CADM2: variants seen among roughly 807,000 people sequenced by gnomAD.
CADM2 encodes the protein cell adhesion molecule 2, also known as immunoglobulin superfamily member 4D.
A neutral mutation model predicts 49.8 loss-of-function variants in CADM2; 12 were observed. The ratio of observed to expected loss-of-function variants is 0.24; its 90% CI spans 0.15 to 0.39. The LOEUF (loss-of-function observed/expected upper bound fraction) is 0.39, where lower values mean the gene tolerates loss of function less well. Ranked by LOEUF, CADM2 falls within the 10% of genes least tolerant of loss-of-function variation. The pLI, the probability that CADM2 is intolerant of heterozygous loss-of-function variation, is 1.00. For synonymous variants in CADM2, 214 were observed against 175.4 expected, an observed-to-expected ratio of 1.22 and a Z score of -1.74; for missense variants, 378 against 492.3, an observed-to-expected ratio of 0.77 and a Z score of 2.20.
chr3:86,053,793 AT>A (rs1242319152), intron 8 of CADM2, among the ~76,000 whole-genome samples: 1 of 152,086 alleles, frequency 6.6e-6, no homozygotes, highest in Non-Finnish European at 1.5e-5. Context: ...TGCAAGACTG[AT>A]TTGTGGTTCA....
intron 1 of CADM2, among the ~76,000 whole-genome samples, chr3:85,504,527 G>A (rs1313830110): frequency 1.3e-5 from 2 of 152,188 alleles, no homozygotes; most frequent in African/African-American, 4.8e-5. Context: ...GTTTTGACAG[G>A]GCGCTGATTG....
intron 1 of CADM2, among the ~76,000 whole-genome samples, chr3:85,560,314 A>T (rs1253595972): frequency 6.6e-6 from 1 of 152,250 alleles, no homozygotes; most frequent in East Asian, 1.9e-4. Flanking sequence ...AGTTTCTGGC[A>T]GTAGTCACTT....
intron 7 of CADM2, among the ~76,000 whole-genome samples, chr3:85,948,578 CA>C (rs1227272376): frequency 6.6e-6 from 1 of 151,090 alleles, no homozygotes; most frequent in Non-Finnish European, 1.5e-5. Flanking sequence ...GCCACTTACT[CA>C]AAAAAATACA....
intron 1 of CADM2, among the ~76,000 whole-genome samples, chr3:85,639,773 C>A (rs530031447): frequency 1.3e-5 from 2 of 152,024 alleles, no homozygotes; most frequent in African/African-American, 2.4e-5. Context: ...GAGACAGAGA[C>A]TATCAGAGCC....
chr3:85,809,704 CTTCCTTCCTTCCTTCGTTCCTT>C (rs2072700469), intron 3 of CADM2, among the ~76,000 whole-genome samples: 1 of 126,206 alleles, frequency 7.9e-6, no homozygotes. Flanking sequence ...TCCTTCCTTC[CTTCCTTCCTTCCTTCGTTCCTT>C]CCCTCCCTCC....
In CADM2 at chr3:85,093,675, A is replaced by G. The variant is rs771282540; in HGVS notation, c.61+134007A>G. 6.5e-4 allele frequency among the ~76,000 whole-genome samples: 99 copies of G among 152,238 alleles called. 1 individual carries two copies. The highest frequency in any genetic ancestry group is 8.7e-4 in the Non-Finnish European group (59 of 68,010). ...ATATTTCCGAGCACTAGCCCAAAGTATTGCTCTTATGGCTATTACAAACTC... is the reference window on the plus strand; with the variant it reads ...ATATTTCCGAGCACTAGCCCAAAGTGTTGCTCTTATGGCTATTACAAACTC... On this transcript the variant is annotated intron_variant, in intron 1 of 9. Coordinates refer to ENST00000383699, the MANE Select transcript of CADM2 (RefSeq NM_001167675.2).
intron 1 of CADM2, among the ~76,000 whole-genome samples, chr3:85,045,524 A>G (rs1340733850): frequency 6.6e-6 from 1 of 152,138 alleles, no homozygotes; most frequent in Non-Finnish European, 1.5e-5. Context: ...TATTTATTTT[A>G]ATACTACTAT....
chr3:85,880,364 G>T (rs1247012400), intron 3 of CADM2, among the ~76,000 whole-genome samples: 10 of 151,726 alleles, frequency 6.6e-5, no homozygotes, highest in African/African-American at 1.9e-4. Context: ...TCAGGAGAAG[G>T]GTAGTCCATT....
chr3:85,642,582 A>C lies in CADM2; in HGVS notation c.62-83940A>C, dbSNP rs555438981. On this transcript the variant is annotated intron_variant, in intron 1 of 9. Transcript: ENST00000383699. ...AAGATTTAATCAATTATGATGATAA[A>C]ATTTTTAGGAAAAAATTAAGTGTCT... 5.9e-5 allele frequency among the ~76,000 whole-genome samples: 9 copies of C among 152,268 alleles called. No homozygotes were observed. In the East Asian group the frequency reaches 1.7e-3, roughly 29 times the overall value.
chr3:85,496,925 C>T (rs745638693), intron 1 of CADM2, among the ~76,000 whole-genome samples: 12 of 152,302 alleles, frequency 7.9e-5, no homozygotes, highest in Non-Finnish European at 1.3e-4. Context: ...CTCACTGCAA[C>T]CTCCAACGCC....
intron 1 of CADM2, among the ~76,000 whole-genome samples, chr3:85,624,130 T>C (rs545320493): frequency 6.6e-6 from 1 of 152,268 alleles, no homozygotes; most frequent in Admixed American, 6.5e-5. Flanking sequence ...CATATAACCA[T>C]ATAGAGAATC....
chr3:85,574,969 A>T (rs2062589666), intron 1 of CADM2, among the ~76,000 whole-genome samples: 2 of 152,120 alleles, frequency 1.3e-5, no homozygotes, highest in Admixed American at 1.3e-4. Flanking sequence ...CCTTATTGAG[A>T]GTAGATAGAC....
intron 3 of CADM2, among the ~76,000 whole-genome samples, chr3:85,852,014 G>A (rs911930844): frequency 2.0e-5 from 3 of 151,994 alleles, no homozygotes; most frequent in African/African-American, 7.2e-5. Flanking sequence ...GCAATTTTAT[G>A]TACCTACATG....
intron 8 of CADM2, among the ~76,000 whole-genome samples, chr3:85,982,642 A>G (rs1727621048): frequency 6.6e-6 from 1 of 151,724 alleles, no homozygotes; most frequent in African/African-American, 2.4e-5. Flanking sequence ...TTCATTTAGT[A>G]TGTAAACAAT....
intron 1 of CADM2, among the ~76,000 whole-genome samples, chr3:85,384,872 G>A (rs1018801362): frequency 1.8e-4 from 28 of 151,880 alleles, no homozygotes; most frequent in African/African-American, 6.8e-4. Context: ...ATACCCAATT[G>A]CATATAAATA....
chr3:85,178,556 T>C (rs998312522), intron 1 of CADM2, among the ~76,000 whole-genome samples: 6 of 151,906 alleles, frequency 3.9e-5, no homozygotes, highest in African/African-American at 1.4e-4. Context: ...TTACATACTT[T>C]CTTGATTCTG....
chr3:85,568,461 T>TTCTCTC (rs370465976), intron 1 of CADM2, among the ~76,000 whole-genome samples: 1 of 15,234 alleles, frequency 6.6e-5, no homozygotes, highest in Admixed American at 8.0e-4. Flanking sequence ...CTTTCTTTCT[T>TTCTCTC]TCTCTTTCTC....
chr3:85,821,927 AATATAG>A (rs1163421424), intron 3 of CADM2, among the ~76,000 whole-genome samples: 1 of 152,206 alleles, frequency 6.6e-6, no homozygotes, highest in Admixed American at 6.6e-5. Context: ...TATTGGGAAT[AATATAG>A]ATAATTATTA....
chr3:85,890,666 T>C (rs975315604), intron 5 of CADM2, among the ~76,000 whole-genome samples: 2 of 151,270 alleles, frequency 1.3e-5, no homozygotes, highest in African/African-American at 4.9e-5. Flanking sequence ...AAATTGTAGC[T>C]ATCAGTTCAT....
Sources: allele counts gnomAD v4.1 joint callset (sites outside exome capture counted in the v4.1 genomes callset), GRCh38; gene constraint gnomAD v4.1.1; transcripts MANE v1.5; gene names NCBI Gene and HGNC (gene_info 2026-07-23, HGNC 2026-07-21).